ABCG1: variants seen among roughly 807,000 people sequenced by gnomAD.
ABCG1 encodes the protein ATP-binding cassette sub-family G member 1.
A neutral mutation model predicts 69.2 loss-of-function variants in ABCG1; 29 were observed. The ratio of observed to expected loss-of-function variants is 0.42; its 90% CI spans 0.31 to 0.57. The LOEUF (loss-of-function observed/expected upper bound fraction) is 0.57. Among genes scored for constraint, ABCG1 ranks in the 20% least tolerant of loss-of-function variants. The pLI, the probability that ABCG1 is intolerant of heterozygous loss-of-function variation, is 0.15. For missense variants in ABCG1, 718 were observed against 898.1 expected, an observed-to-expected ratio of 0.80 and a Z score of 2.56; for synonymous variants, 370 against 374.8, an observed-to-expected ratio of 0.99 and a Z score of 0.15.
chr21:42,206,759 C>T (rs897296505), intron 2 of ABCG1, among the ~76,000 whole-genome samples: 1 of 152,026 alleles, frequency 6.6e-6, no homozygotes, highest in Non-Finnish European at 1.5e-5. Context: ...ATTCTTTTAC[C>T]ATTTTATTTA....
At chr21:42,259,051 G>C (rs1263531084) in intron 2 of ABCG1, among the ~76,000 whole-genome samples, 1 of 152,224 alleles carries the variant, frequency 6.6e-6, no homozygotes, top group East Asian at 1.9e-4. Flanking sequence ...CTTTCTCTCA[G>C]ACCTGCCTCA....
chr21:42,263,890 T>A (rs767289650), intron 2 of ABCG1, among the ~76,000 whole-genome samples: 21 of 152,232 alleles, frequency 1.4e-4, no homozygotes, highest in Non-Finnish European at 2.4e-4. Flanking sequence ...TGAGACGGGA[T>A]GTTGCTCAAG....
At chr21:42,259,661 T>A (rs2068371735) in intron 2 of ABCG1, among the ~76,000 whole-genome samples, 1 of 152,226 alleles carries the variant, frequency 6.6e-6, no homozygotes. Flanking sequence ...GAGCCACGTG[T>A]TTGCAAACCA....
rs774283105 is a variant in ABCG1, at chr21:42,288,095, C to G, written c.1122+58C>G. ...AAAGGTAATGCAAATCCCGAAGCCC[C>G]CTGGGGGAGGCTGCACGTGGCACCG... On this transcript the variant is annotated intron_variant, in intron 9 of 14. Coordinates refer to ENST00000398449, the MANE Select transcript of ABCG1 (RefSeq NM_016818.3). This position sits in a 1 kb window ranked among gnomAD's most constrained non-coding sequence, Gnocchi z 4.8. 9 of 1,606,676 alleles carry G rather than the reference C, an allele frequency of 5.6e-6. No homozygotes were observed. In the South Asian group the frequency reaches 6.6e-5, roughly 12 times the overall value.
rs1012750160 is a variant in ABCG1 at position 42,282,166 on chromosome 21, G to A, written c.589-108G>A. 2.0e-5 allele frequency: 30 copies of A among 1,472,586 alleles called. No homozygotes were observed. In the East Asian group the frequency reaches 2.5e-4, roughly 12 times the overall value. 91.2% of individuals were successfully genotyped at this position (1,472,586 alleles called of 1,614,324 possible). A position where few individuals can be genotyped will look rare whatever the true frequency, so the allele number is the denominator to read the frequency against. ...CGTGGCCTCCACGTGGGCCAGGCAC[G>A]GTGTGTCCAGCAGGCTGAGGGCGGC... On this transcript the variant is annotated intron_variant, in intron 5 of 14. Coordinates refer to ENST00000398449, the MANE Select transcript of ABCG1 (RefSeq NM_016818.3).
chr21:42,226,755 C>T (rs552671867), intron 2 of ABCG1, among the ~76,000 whole-genome samples: 11 of 152,164 alleles, frequency 7.2e-5, no homozygotes, highest in East Asian at 1.9e-4. Flanking sequence ...AGGCAGAGGA[C>T]GTGTCAGACT....
Position 42,296,518 on chromosome 21 carries a change from G to T in ABCG1, c.*126G>T. ...CTTCTGATCCAACCCCTAGAACCGC[G>T]TTGGGTTTGTGGGTGTCTCGTGCTC... is the stretch of plus-strand genomic sequence containing the variant. On this transcript the variant is annotated 3_prime_UTR_variant, in exon 15 of 15. Coordinates refer to ENST00000398449, the MANE Select transcript of ABCG1 (RefSeq NM_016818.3). The surrounding 1 kb of genome is among the most constrained non-coding windows in gnomAD (Gnocchi z 5.4). 1.2e-6 allele frequency: 1 copy of T among 854,242 alleles called. No homozygotes were observed. The highest frequency in any genetic ancestry group is 1.8e-6 in the Non-Finnish European group (1 of 543,446). 52.9% of individuals were successfully genotyped at this position (854,242 alleles called of 1,614,324 possible). A position where few individuals can be genotyped will look rare whatever the true frequency, so the allele number is the denominator to read the frequency against.
chr21:42,208,718 T>C (rs2067562968), intron 2 of ABCG1, among the ~76,000 whole-genome samples: 1 of 152,154 alleles, frequency 6.6e-6, no homozygotes, highest in African/African-American at 2.4e-5. Context: ...AGCAGGATAA[T>C]TTACTGAGAT....
intron 2 of ABCG1, among the ~76,000 whole-genome samples, chr21:42,202,812 C>A (rs1262369668): frequency 1.3e-5 from 2 of 152,084 alleles, no homozygotes; most frequent in East Asian, 3.9e-4. Flanking sequence ...GAGGTCGCAC[C>A]CTGTTGCTCA....
chr21:42,248,966 A>G (rs1378994694), intron 2 of ABCG1, among the ~76,000 whole-genome samples: 1 of 152,112 alleles, frequency 6.6e-6, no homozygotes, highest in Non-Finnish European at 1.5e-5. Flanking sequence ...AATATTATAC[A>G]GCCCAGAAAA....
At chr21:42,208,200 G>A (rs147389616) in intron 2 of ABCG1, among the ~76,000 whole-genome samples, 65 of 151,182 alleles carry the variant, frequency 4.3e-4, no homozygotes, top group African/African-American at 1.5e-3. Flanking sequence ...CTTTTGGCTA[G>A]AGAGAGCAGG....
At chr21:42,294,691 G>A (rs752342985) in intron 14 of ABCG1, 31 bp downstream of exon 14, 2 of 1,589,024 alleles carry the variant, frequency 1.3e-6, no homozygotes, top group Non-Finnish European at 1.7e-6. Context: ...ATGGCGTGGG[G>A]ACCGAGGGTG....
chr21:42,294,723 A>G (rs769880428), intron 14 of ABCG1, 63 bp downstream of exon 14: 23 of 1,464,398 alleles, frequency 1.6e-5, no homozygotes, highest in Non-Finnish European at 1.9e-5. Flanking sequence ...ACCGTCTCCA[A>G]CAGCGTGAGG....
chr21:42,278,023 G>T (rs146678493), intron 5 of ABCG1, among the ~76,000 whole-genome samples: 1 of 152,330 alleles, frequency 6.6e-6, no homozygotes, highest in Non-Finnish European at 1.5e-5. Context: ...GGGGTGAAAT[G>T]CCCGGTGCAG....
chr21:42,225,890 G>A lies in ABCG1; in HGVS notation c.262G>A (p.Glu88Lys), dbSNP rs1307878811. ...EFRDLSYSVP[E>K]GPWWRKKGYK... ...CAGGGACCTTTCCTATTCGGTTCCT[G>A]AAGGACCCTGGTGGAGGAAGAAAGG... Residue 88 changes from glutamate to lysine, a missense_variant, in exon 2 of 15, where the codon GAA becomes AAA. Transcript: ENST00000398449. The A allele has an allele frequency of 3.1e-6, 5 of 1,613,146 alleles. No homozygotes were observed. Among genetic ancestry groups the A allele is most frequent in the Admixed American group, 3.3e-5 (2 of 60,008 alleles).
intron 2 of ABCG1, among the ~76,000 whole-genome samples, chr21:42,230,879 C>A (rs574059400): frequency 1.3e-5 from 2 of 152,180 alleles, no homozygotes; most frequent in African/African-American, 4.8e-5. Context: ...GGCTCAGAGA[C>A]GTGACCAAGG....
At chr21:42,281,258 C>T (rs774123513) in intron 5 of ABCG1, among the ~76,000 whole-genome samples, 2 of 152,210 alleles carry the variant, frequency 1.3e-5, no homozygotes, top group Non-Finnish European at 2.9e-5. Context: ...TCCCAGGGGC[C>T]GGCCACCACA....
intron 2 of ABCG1, among the ~76,000 whole-genome samples, chr21:42,250,920 A>C (rs1461602718): frequency 1.3e-5 from 2 of 152,196 alleles, no homozygotes; most frequent in African/African-American, 2.4e-5. Context: ...CACCAGACAC[A>C]TGAAGGGAAG....
At chr21:42,219,117 A>AGAGCCGGAGCCGGATCC, upstream of ABCG1, 1 of 744,626 alleles carries the variant, frequency 1.3e-6, no homozygotes, top group Non-Finnish European at 1.8e-6. This position sits in a 1 kb window ranked among gnomAD's most constrained non-coding sequence, Gnocchi z 5.3. Flanking sequence ...CGCTGGAACC[A>AGAGCCGGAGCCGGATCC]GAGCCGGAGC....
Sources: allele counts gnomAD v4.1 joint callset (sites outside exome capture counted in the v4.1 genomes callset), GRCh38; gene constraint gnomAD v4.1.1; non-coding constraint Gnocchi (gnomAD v3.1); transcripts MANE v1.5; gene names NCBI Gene and HGNC (gene_info 2026-07-23, HGNC 2026-07-21).